NFIB: variants seen among roughly 807,000 people sequenced by gnomAD.
NFIB encodes the protein nuclear factor 1 B-type.
In NFIB, 11 loss-of-function variants were observed where a neutral mutation model predicts 61.5. The ratio of observed to expected loss-of-function variants is 0.18; its 90% CI spans 0.11 to 0.30. The LOEUF (loss-of-function observed/expected upper bound fraction) is 0.30. Among genes scored for constraint, NFIB ranks in the 10% least tolerant of loss-of-function variants. NFIB has a pLI of 1.00. For missense variants in NFIB, 471 were observed against 608.9 expected, an observed-to-expected ratio of 0.77 and a Z score of 2.38; for synonymous variants, 260 against 216.5, an observed-to-expected ratio of 1.20 and a Z score of -1.76.
At chr9:14,509,497 A>G in the NFIB span, among the ~76,000 whole-genome samples, 14 of 152,306 alleles carry the variant, frequency 9.2e-5, 1 homozygote, top group East Asian at 2.7e-3. Context: ...GGTATTAAAT[A>G]CTTCCTAACA....
chr9:14,387,820 T>G (rs1401046766), intron 1 of NFIB, among the ~76,000 whole-genome samples: 1 of 152,166 alleles, frequency 6.6e-6, no homozygotes, highest in Non-Finnish European at 1.5e-5. Context: ...GGGGCAGTAT[T>G]TTCCAATTTC....
At chr9:14,301,913 G>A (rs568653508) in intron 2 of NFIB, among the ~76,000 whole-genome samples, 2 of 152,178 alleles carry the variant, frequency 1.3e-5, no homozygotes, top group Admixed American at 6.5e-5. Context: ...AATTGTGTAT[G>A]AGCCAGAATG....
chr9:14,146,469 TA>T (rs765802672), intron 6 of NFIB, among the ~76,000 whole-genome samples: 1 of 151,920 alleles, frequency 6.6e-6, no homozygotes, highest in Non-Finnish European at 1.5e-5. Flanking sequence ...TCATTTTGTC[TA>T]AAAAAAACTC....
At chr9:14,447,826 T>C in the NFIB span, among the ~76,000 whole-genome samples, 48 of 152,196 alleles carry the variant, frequency 3.2e-4, 2 homozygotes. Context: ...TTTCAACAAA[T>C]GATCCCAGTT....
chr9:14,106,164 C>T (rs1485823904), intron 10 of NFIB, among the ~76,000 whole-genome samples: 1 of 152,058 alleles, frequency 6.6e-6, no homozygotes, highest in African/African-American at 2.4e-5. Flanking sequence ...AAGTGCCACT[C>T]AGTTTAGAAA....
chr9:14,433,356 C>G, the NFIB span, among the ~76,000 whole-genome samples: 11 of 152,290 alleles, frequency 7.2e-5, no homozygotes, highest in African/African-American at 2.6e-4. Flanking sequence ...ACCCAAATGC[C>G]CACTTCAGAG....
At chr9:14,498,780 TCCC>T in the NFIB span, among the ~76,000 whole-genome samples, 23 of 46,364 alleles carry the variant, frequency 5.0e-4, no homozygotes, top group African/African-American at 1.4e-3. Flanking sequence ...CCTCCCTCCC[TCCC>T]TCCCTCCCTC....
chr9:14,148,666 C>T (rs1018352450), intron 5 of NFIB, among the ~76,000 whole-genome samples: 1 of 152,056 alleles, frequency 6.6e-6, no homozygotes, highest in Non-Finnish European at 1.5e-5. Context: ...AAGGTAAGGA[C>T]GTCTGACTTC....
In NFIB at chr9:14,307,549, A is replaced by C. The variant is rs1386049755; in HGVS notation, c.31-29T>G. ...TGGAAGACAGAGGGGTGAGGAAAAG[A>C]TGTGCATAGTCAGTTTAATTTTAAA... On this transcript the variant is annotated intron_variant, in intron 1 of 10. Transcript: ENST00000380953. This position sits in a 1 kb window ranked among gnomAD's most constrained non-coding sequence, Gnocchi z 5.3. The C allele has an allele frequency of 1.1e-5, 17 of 1,543,924 alleles. No individual in the cohort carries two copies. Among genetic ancestry groups the C allele is most frequent in the East Asian group, 2.3e-5 (1 of 44,162 alleles).
intron 1 of NFIB, among the ~76,000 whole-genome samples, chr9:14,389,597 A>T (rs751885923): frequency 1.8e-4 from 27 of 152,194 alleles, no homozygotes; most frequent in Non-Finnish European, 3.7e-4. Context: ...AAATTGGTAA[A>T]ACATAAACCA....
intron 10 of NFIB, among the ~76,000 whole-genome samples, chr9:14,103,035 T>C (rs1198429993): frequency 6.6e-6 from 1 of 152,216 alleles, no homozygotes; most frequent in Admixed American, 6.5e-5. Context: ...TTTAACCTTT[T>C]ACTAATTTTG....
intron 10 of NFIB, among the ~76,000 whole-genome samples, chr9:14,106,717 T>G (rs947934609): frequency 7.2e-5 from 11 of 152,166 alleles, no homozygotes. Context: ...AGAATTAATA[T>G]TGCTTGTGAC....
chr9:14,466,444 G>T, the NFIB span, among the ~76,000 whole-genome samples: 2 of 151,970 alleles, frequency 1.3e-5, no homozygotes, highest in Non-Finnish European at 2.9e-5. Flanking sequence ...ACTCTGGATC[G>T]CACCATCCTC....
chr9:14,501,623 TAAG>T, the NFIB span, among the ~76,000 whole-genome samples: 2 of 152,226 alleles, frequency 1.3e-5, no homozygotes, highest in African/African-American at 4.8e-5. Context: ...ACTCCGAAGC[TAAG>T]AATAATAGGT....
the NFIB span, among the ~76,000 whole-genome samples, chr9:14,420,636 CT>C: frequency 1.6e-4 from 24 of 152,146 alleles, no homozygotes; most frequent in African/African-American, 5.1e-4. Flanking sequence ...ACCACTGATG[CT>C]GTCAACCTGG....
chr9:14,225,642 A>T (rs1182482553), intron 2 of NFIB, among the ~76,000 whole-genome samples: 1 of 152,070 alleles, frequency 6.6e-6, no homozygotes, highest in African/African-American at 2.4e-5. Flanking sequence ...ATCATTGCTT[A>T]TAATATTAAA....
chr9:14,225,338 T>C (rs2052230914), intron 2 of NFIB, among the ~76,000 whole-genome samples: 1 of 150,732 alleles, frequency 6.6e-6, no homozygotes, highest in Non-Finnish European at 1.5e-5. Context: ...AAGAAGAAAA[T>C]AGGTGCTACT....
At chr9:14,502,592 T>A in the NFIB span, among the ~76,000 whole-genome samples, 1 of 152,336 alleles carries the variant, frequency 6.6e-6, no homozygotes, top group African/African-American at 2.4e-5. Flanking sequence ...ACACAGCGGA[T>A]GATTAACAAA....
At chr9:14,354,545 G>A (rs1440437090) in intron 1 of NFIB, among the ~76,000 whole-genome samples, 2 of 152,076 alleles carry the variant, frequency 1.3e-5, no homozygotes, top group Non-Finnish European at 2.9e-5. Flanking sequence ...TTGAGAGTAC[G>A]GTCTCTCTAA....
Sources: gnomAD v4.1 joint callset for allele counts (sites outside exome capture counted in the v4.1 genomes callset) on GRCh38, gnomAD v4.1.1 for gene constraint, Gnocchi (gnomAD v3.1) non-coding constraint, MANE v1.5 for transcripts, NCBI Gene and HGNC (gene_info 2026-07-23, HGNC 2026-07-21) for gene names.